The following RAD51B variants were observed in gnomAD, a reference collection of about 807,000 sequenced individuals.
RAD51B encodes DNA repair protein RAD51 homolog 2.
A neutral mutation model predicts 42.2 loss-of-function variants in RAD51B; 38 were observed. The observed-to-expected ratio is 0.90, with a 90% confidence interval of 0.70 to 1.18. The LOEUF (loss-of-function observed/expected upper bound fraction) is 1.18. RAD51B is among the 50% of genes most tolerant of loss of function. The pLI is 0.00. For synonymous variants in RAD51B, 154 were observed against 145.2 expected (o/e 1.06, Z -0.43); for missense variants, 373 against 400.7 (o/e 0.93, Z 0.59).
At chr14:67,898,230 T>G (rs1292436572) in intron 7 of RAD51B, among the ~76,000 whole-genome samples, 1 of 152,204 alleles carries the variant, frequency 6.6e-6, no homozygotes, top group African/African-American at 2.4e-5. Context: ...CACAATGATA[T>G]ATTATTTAGC....
chr14:68,524,885 A>G (rs1022635425), intron 10 of RAD51B, among the ~76,000 whole-genome samples: 1 of 152,236 alleles, frequency 6.6e-6, no homozygotes, highest in African/African-American at 2.4e-5. Context: ...CAGGCCCTCA[A>G]CTGGGCCAAG....
chr14:67,894,528 C>T (rs1204854514), intron 7 of RAD51B, among the ~76,000 whole-genome samples: 1 of 152,190 alleles, frequency 6.6e-6, no homozygotes, highest in Non-Finnish European at 1.5e-5. Context: ...GCCCTTAAGG[C>T]TTCTACAAAT....
chr14:68,646,570 G>A (rs1005460720), intron 10 of RAD51B, among the ~76,000 whole-genome samples: 26 of 152,094 alleles, frequency 1.7e-4, no homozygotes, highest in African/African-American at 5.8e-4. Context: ...GCATTTGATC[G>A]TCTTATGTGT....
intron 10 of RAD51B, among the ~76,000 whole-genome samples, chr14:68,637,393 C>T (rs2140127430): frequency 6.6e-6 from 1 of 152,314 alleles, no homozygotes; most frequent in South Asian, 2.1e-4. Flanking sequence ...TAAACATTTG[C>T]TGACTGAATA....
chr14:68,047,296 T>C (rs2076317937), intron 7 of RAD51B, among the ~76,000 whole-genome samples: 1 of 152,214 alleles, frequency 6.6e-6, no homozygotes, highest in Non-Finnish European at 1.5e-5. Context: ...GGAGCCAAGC[T>C]GCTAAACAGA....
intron 7 of RAD51B, among the ~76,000 whole-genome samples, chr14:67,934,226 CCTTGTGGCCTA>C (rs1351213497): frequency 1.3e-5 from 2 of 152,126 alleles, no homozygotes; most frequent in African/African-American, 4.8e-5. Flanking sequence ...TCACTAGGAT[CCTTGTGGCCTA>C]CTTAGCAAAG....
chr14:68,119,263 A>G (rs2077602749), intron 7 of RAD51B, among the ~76,000 whole-genome samples: 1 of 135,820 alleles, frequency 7.4e-6, no homozygotes, highest in Non-Finnish European at 1.6e-5. Flanking sequence ...CTTGATGTTA[A>G]TTTCTTTTTT....
rs140423456 is a variant in RAD51B at position 67,885,939 on chromosome 14, A to C, written c.523A>C (p.Ser175Arg). Reference sequence around the variant, plus strand: ...TGAAGAAAAGTTACTTTTGACAAGTAGTAAAGTTCATCTTTATCGGGAACT... The same window carrying C: ...TGAAGAAAAGTTACTTTTGACAAGTCGTAAAGTTCATCTTTATCGGGAACT... ...NTEEKLLLTS[S>R]KVHLYRELTC... The change falls in exon 6 of 11, where the codon AGT (serine) becomes CGT (arginine). Residue 175 changes from serine to arginine, a missense_variant. Transcript: ENST00000471583. The C allele has an allele frequency of 1.4e-4, 222 of 1,607,506 alleles. 1 individual carries two copies. The African/African-American group carries it at 2.7e-3, about 19-fold the overall frequency.
intron 10 of RAD51B, among the ~76,000 whole-genome samples, chr14:68,573,773 C>T (rs1889825882): frequency 6.6e-6 from 1 of 152,166 alleles, no homozygotes; most frequent in Admixed American, 6.5e-5. Context: ...GACCACCATC[C>T]AACCTATATC....
rs192882129 is a variant in RAD51B, at chr14:68,345,481, C to A, written c.853+53501C>A. Among the ~76,000 whole-genome samples, 31 of 151,970 alleles carry A rather than the reference C, an allele frequency of 2.0e-4. No individual in the cohort carries two copies. The East Asian group carries it at 6.0e-3, about 29-fold the overall frequency. On this transcript the variant is annotated intron_variant, in intron 8 of 10. Transcript: ENST00000471583. Reference sequence around the variant, plus strand: ...AAATGTGGTTATTTAAAGAGTGTGGCACCTCCCCCCACTCTTGTTCCTACT... The same window carrying A: ...AAATGTGGTTATTTAAAGAGTGTGGAACCTCCCCCCACTCTTGTTCCTACT...
At chr14:68,333,265 G>A (rs2082383974) in intron 8 of RAD51B, among the ~76,000 whole-genome samples, 1 of 150,118 alleles carries the variant, frequency 6.7e-6, no homozygotes, top group Non-Finnish European at 1.5e-5. Context: ...AAATAGACGA[G>A]GGATATAAAC....
downstream of RAD51B, among the ~76,000 whole-genome samples, chr14:68,600,751 T>C (rs1187461279): frequency 6.6e-6 from 1 of 152,184 alleles, no homozygotes. Context: ...AAAATGTCAA[T>C]TAATTCACTC....
rs145476077 is a variant in RAD51B, at chr14:67,853,659, G to A, written c.316-11344G>A. ...GATAGATGTCAGATAGATCTGGTGG[G>A]TGGGTGGGGTAAGGCAACTGATTGA... On this transcript the variant is annotated intron_variant, in intron 4 of 10. Coordinates refer to ENST00000471583, the MANE Select transcript of RAD51B (RefSeq NM_133510.4). 2.2e-4 allele frequency among the ~76,000 whole-genome samples: 33 copies of A among 152,322 alleles called. No homozygotes were observed. The East Asian group carries it at 6.2e-3, about 29-fold the overall frequency.
intron 7 of RAD51B, among the ~76,000 whole-genome samples, chr14:68,192,636 C>T (rs1185373882): frequency 1.3e-5 from 2 of 152,164 alleles, no homozygotes; most frequent in Non-Finnish European, 2.9e-5. Context: ...GACAATATGT[C>T]TCTGCTGATG....
chr14:68,652,724 A>G (rs1892728204), intron 11 of RAD51B, among the ~76,000 whole-genome samples: 1 of 152,228 alleles, frequency 6.6e-6, no homozygotes, highest in South Asian at 2.1e-4. Context: ...GTTAAATGAT[A>G]TCAATTCCTT....
At chr14:67,888,096 C>G (rs2043115609) in intron 7 of RAD51B, among the ~76,000 whole-genome samples, 1 of 152,094 alleles carries the variant, frequency 6.6e-6, no homozygotes, top group African/African-American at 2.4e-5. Flanking sequence ...ATAATATAAA[C>G]TATCACACAG....
At chr14:67,955,877 G>A (rs2074536909) in intron 7 of RAD51B, among the ~76,000 whole-genome samples, 1 of 152,178 alleles carries the variant, frequency 6.6e-6, no homozygotes, top group African/African-American at 2.4e-5. Flanking sequence ...GATGAAGATG[G>A]GATTGGGGTA....
chr14:68,036,757 T>C (rs1300681196), intron 7 of RAD51B, among the ~76,000 whole-genome samples: 1 of 152,214 alleles, frequency 6.6e-6, no homozygotes, highest in African/African-American at 2.4e-5. Flanking sequence ...TAGTGCCTTT[T>C]TTTTAAACCT....
At chr14:68,105,134 G>C (rs1162405673) in intron 7 of RAD51B, among the ~76,000 whole-genome samples, 1 of 148,576 alleles carries the variant, frequency 6.7e-6, no homozygotes, top group Non-Finnish European at 1.5e-5. Flanking sequence ...TTTTCCCCTT[G>C]GTGAGAAAGA....
Sources: allele counts gnomAD v4.1 joint callset (sites outside exome capture counted in the v4.1 genomes callset), GRCh38; gene constraint gnomAD v4.1.1; transcripts MANE v1.5; gene names NCBI Gene and HGNC (gene_info 2026-07-23, HGNC 2026-07-21).